Variants in CNTNAP2 observed in about 807,000 individuals in gnomAD.
CNTNAP2 encodes contactin-associated protein-like 2.
A neutral mutation model predicts 155.2 loss-of-function variants in CNTNAP2; 98 were observed. The observed-to-expected ratio is 0.63, with a 90% CI of 0.54 to 0.75. The LOEUF (loss-of-function observed/expected upper bound fraction) is 0.75, where lower values mean the gene tolerates loss of function less well. Ranked by LOEUF, CNTNAP2 falls within the 30% of genes least tolerant of loss-of-function variation. The probability of loss-of-function intolerance (pLI) is 0.00; values close to 1 mark genes in which losing one functional copy is unlikely to be tolerated. For synonymous variants in CNTNAP2, 651 were observed against 631.2 expected, an observed-to-expected ratio of 1.03 and a Z score of -0.47; for missense variants, 1,727 against 1,688.1, an observed-to-expected ratio of 1.02 and a Z score of -0.40.
chr7:148,084,788 TC>T (rs1207644171), intron 15 of CNTNAP2, among the ~76,000 whole-genome samples: 1 of 152,172 alleles, frequency 6.6e-6, no homozygotes, highest in African/African-American at 2.4e-5. Context: ...TAATCCACAC[TC>T]TCCTAGAGGA....
intron 22 of CNTNAP2, among the ~76,000 whole-genome samples, chr7:148,401,483 C>A (rs886876605): frequency 1.3e-5 from 2 of 152,128 alleles, no homozygotes; most frequent in African/African-American, 4.8e-5. Flanking sequence ...AATTTGCCCA[C>A]CTGAGAAATA....
chr7:146,371,195 A>G (rs1349748219), intron 1 of CNTNAP2, among the ~76,000 whole-genome samples: 2 of 151,866 alleles, frequency 1.3e-5, no homozygotes, highest in African/African-American at 4.8e-5. Context: ...CCTATGGACT[A>G]CCCTTGCAAA....
chr7:146,856,863 T>C (rs1795000387), intron 3 of CNTNAP2, among the ~76,000 whole-genome samples: 1 of 152,110 alleles, frequency 6.6e-6, no homozygotes, highest in East Asian at 1.9e-4. Context: ...TATGTATCAG[T>C]GTGATAAGAG....
chr7:146,690,585 T>G (rs563335918), intron 1 of CNTNAP2, among the ~76,000 whole-genome samples: 1 of 152,298 alleles, frequency 6.6e-6, no homozygotes, highest in South Asian at 2.1e-4. Context: ...CATTTGCAAG[T>G]TGTTTTATGC....
intron 3 of CNTNAP2, among the ~76,000 whole-genome samples, chr7:146,945,331 AT>A (rs1309482777): frequency 6.6e-6 from 1 of 152,180 alleles, no homozygotes; most frequent in Non-Finnish European, 1.5e-5. Flanking sequence ...TTTCAGCTTG[AT>A]TTTTGTAACA....
At chr7:147,896,122 C>T (rs1406666113) in intron 13 of CNTNAP2, among the ~76,000 whole-genome samples, 1 of 152,206 alleles carries the variant, frequency 6.6e-6, no homozygotes, top group African/African-American at 2.4e-5. Context: ...GCTGGGAAAC[C>T]AGGCTGCTCT....
At chr7:146,758,138 G>C (rs1166967965) in intron 1 of CNTNAP2, among the ~76,000 whole-genome samples, 1 of 152,050 alleles carries the variant, frequency 6.6e-6, no homozygotes, top group South Asian at 2.1e-4. Flanking sequence ...TAGCTTTCAA[G>C]GATCAGCACA....
chr7:146,825,744 C>G (rs978817574), intron 2 of CNTNAP2, among the ~76,000 whole-genome samples: 8 of 151,966 alleles, frequency 5.3e-5, no homozygotes. Context: ...TTGAACATGA[C>G]CTCATCTTTT....
intron 1 of CNTNAP2, among the ~76,000 whole-genome samples, chr7:146,380,471 G>C (rs548344850): frequency 1.3e-5 from 2 of 152,182 alleles, no homozygotes; most frequent in African/African-American, 4.8e-5. Context: ...ACCATGGAAA[G>C]CATTTCTGGT....
At chr7:147,770,928 T>C (rs1398757152) in intron 13 of CNTNAP2, among the ~76,000 whole-genome samples, 1 of 152,138 alleles carries the variant, frequency 6.6e-6, no homozygotes, top group African/African-American at 2.4e-5. Flanking sequence ...ATGGAAGAAA[T>C]CTTTCTACCA....
intron 21 of CNTNAP2, among the ~76,000 whole-genome samples, chr7:148,283,303 G>GA (rs1208770118): frequency 1.0e-4 from 9 of 86,638 alleles, no homozygotes; most frequent in Admixed American, 8.8e-4. Context: ...AAGAAAGAAA[G>GA]AAAGGAAGGA....
intron 1 of CNTNAP2, among the ~76,000 whole-genome samples, chr7:146,450,125 A>AAAC (rs925550282): frequency 3.9e-5 from 6 of 152,182 alleles, no homozygotes; most frequent in Non-Finnish European, 7.4e-5. Context: ...CAAGGAGATA[A>AAAC]AACAACAACA....
chr7:146,929,204 G>A (rs1796687522), intron 3 of CNTNAP2, among the ~76,000 whole-genome samples: 1 of 152,164 alleles, frequency 6.6e-6, no homozygotes, highest in African/African-American at 2.4e-5. Flanking sequence ...GGGGCAGACT[G>A]ACACCTCACA....
At chr7:146,178,561 G>A (rs529362657) in intron 1 of CNTNAP2, among the ~76,000 whole-genome samples, 7 of 152,126 alleles carry the variant, frequency 4.6e-5, no homozygotes, top group Non-Finnish European at 1.0e-4. Flanking sequence ...ATCTATACAA[G>A]TAGTGACCTA....
chr7:148,188,849 C>T (rs375559757), intron 18 of CNTNAP2, among the ~76,000 whole-genome samples: 1 of 152,310 alleles, frequency 6.6e-6, no homozygotes, highest in South Asian at 2.1e-4. Context: ...AAAAATACTG[C>T]TTCATATTAT....
chr7:146,127,102 A>G (rs1198982947), intron 1 of CNTNAP2, among the ~76,000 whole-genome samples: 3 of 152,118 alleles, frequency 2.0e-5, no homozygotes, highest in Admixed American at 2.0e-4. Flanking sequence ...GCACCCTATA[A>G]TCTAACCGAC....
chr7:147,935,030 G>A (rs1257342622), intron 14 of CNTNAP2, among the ~76,000 whole-genome samples: 2 of 151,340 alleles, frequency 1.3e-5, no homozygotes, highest in Non-Finnish European at 2.9e-5. Context: ...TAGAGTTTTA[G>A]ATACGTCCTT....
At chr7:146,371,015 A>T (rs1336599291) in intron 1 of CNTNAP2, among the ~76,000 whole-genome samples, 1 of 152,106 alleles carries the variant, frequency 6.6e-6, no homozygotes, top group Non-Finnish European at 1.5e-5. Flanking sequence ...AATTTTTAAA[A>T]TTTTAATTTT....
chr7:147,495,700 G>A (rs554075797), intron 11 of CNTNAP2, among the ~76,000 whole-genome samples: 5 of 152,274 alleles, frequency 3.3e-5, no homozygotes, highest in African/African-American at 9.6e-5. Context: ...TGGTTTTTCA[G>A]CACCGCTGTA....
Sources: gnomAD v4.1 joint callset for allele counts (sites outside exome capture counted in the v4.1 genomes callset) on GRCh38, gnomAD v4.1.1 for gene constraint, MANE v1.5 for transcripts, NCBI Gene and HGNC (gene_info 2026-07-23, HGNC 2026-07-21) for gene names.